Variants in LUZP2 observed in about 807,000 individuals in gnomAD.
LUZP2 encodes leucine zipper protein 2.
Under a neutral mutation model 51.6 loss-of-function variants are expected in LUZP2, and 52 were observed. That is an observed-to-expected ratio of 1.01 (90% CI 0.81 to 1.27). The LOEUF is 1.27. Ranked by LOEUF, LUZP2 falls within the 50% of genes most tolerant of loss-of-function variation. LUZP2 has a pLI of 0.00. For missense variants in LUZP2, 436 were observed against 395.4 expected, an observed-to-expected ratio of 1.10 and a Z score of -0.87; for synonymous variants, 154 against 137.3, an observed-to-expected ratio of 1.12 and a Z score of -0.85.
intron 5 of LUZP2, among the ~76,000 whole-genome samples, chr11:24,835,068 G>A (rs940673063): frequency 6.6e-6 from 1 of 151,878 alleles, no homozygotes; most frequent in Non-Finnish European, 1.5e-5. Context: ...ATACCACAAG[G>A]CTACAGTAAC....
At chr11:24,832,789 G>T (rs1052978869) in intron 5 of LUZP2, among the ~76,000 whole-genome samples, 2 of 151,992 alleles carry the variant, frequency 1.3e-5, no homozygotes. Flanking sequence ...AGAGCTGAAT[G>T]AAGACAACAT....
At chr11:24,860,843 A>G (rs1485144830) in intron 5 of LUZP2, among the ~76,000 whole-genome samples, 1 of 152,184 alleles carries the variant, frequency 6.6e-6, no homozygotes, top group Non-Finnish European at 1.5e-5. Flanking sequence ...ACTCACAAAG[A>G]TAAGACAGAA....
intron 1 of LUZP2, among the ~76,000 whole-genome samples, chr11:24,708,314 AGCTATCT>A (rs1857680505): frequency 6.6e-6 from 1 of 152,204 alleles, no homozygotes; most frequent in Non-Finnish European, 1.5e-5. Context: ...ATGCTTTATC[AGCTATCT>A]GGGCATCTCT....
intron 7 of LUZP2, among the ~76,000 whole-genome samples, chr11:24,947,011 G>A (rs947313430): frequency 4.6e-5 from 7 of 151,930 alleles, no homozygotes; most frequent in Non-Finnish European, 4.4e-5. Flanking sequence ...CAATGTGGAA[G>A]TTAGGGGCAC....
chr11:24,668,794 T>C (rs1856302026), intron 1 of LUZP2, among the ~76,000 whole-genome samples: 1 of 152,120 alleles, frequency 6.6e-6, no homozygotes, highest in Non-Finnish European at 1.5e-5. Flanking sequence ...AGAAATGAAA[T>C]ATACAAAAAG....
At chr11:25,012,524 A>G (rs1857015459) in intron 9 of LUZP2, among the ~76,000 whole-genome samples, 1 of 152,160 alleles carries the variant, frequency 6.6e-6, no homozygotes, top group African/African-American at 2.4e-5. Flanking sequence ...CTCAAAACCC[A>G]TTAAAGTCCT....
rs774127831 is a variant in LUZP2 at position 24,497,279 on chromosome 11, C to G, written c.36C>G (p.Leu12=). The G allele has an allele frequency of 6.4e-7, 1 of 1,567,074 alleles. No individual in the cohort carries two copies. The highest frequency in any genetic ancestry group is 8.7e-7 in the Non-Finnish European group (1 of 1,155,176). Residue 12 remains leucine (L), a synonymous_variant, in exon 1 of 12, where the codon CTC becomes CTG. Transcript: ENST00000336930. ...KFSPAHYLLP[L]LPALVLSTRQ... ...GCCCAGCGCACTACCTGCTGCCTCT[C>G]CTGCCTGCGCTGGTCCTCAGCACCA...
intron 1 of LUZP2, among the ~76,000 whole-genome samples, chr11:24,608,140 C>T (rs1005179476): frequency 1.3e-5 from 2 of 152,240 alleles, no homozygotes; most frequent in South Asian, 2.1e-4. Context: ...TGAGCCACTG[C>T]GCCCGGCATC....
intron 9 of LUZP2, among the ~76,000 whole-genome samples, chr11:24,987,104 A>G (rs1452363708): frequency 6.6e-6 from 1 of 151,924 alleles, no homozygotes; most frequent in Non-Finnish European, 1.5e-5. Context: ...AAAAATTCAC[A>G]TAAAACATTA....
In LUZP2 at chr11:24,741,435, T is replaced by C. The variant is rs995424713; in HGVS notation, c.333+3133T>C. 7.9e-5 allele frequency among the ~76,000 whole-genome samples: 12 copies of C among 152,050 alleles called. No homozygotes were observed. In the South Asian group the frequency reaches 8.3e-4, roughly 11 times the overall value. ...TGTTAATTTCTTTTTTTATTTTCCA[T>C]AGGTCATTAGGGTACAGGTGGTATT... On this transcript the variant is annotated intron_variant, in intron 4 of 11. Transcript: ENST00000336930.
chr11:24,637,117 G>T (rs552389462), intron 1 of LUZP2, among the ~76,000 whole-genome samples: 2 of 151,884 alleles, frequency 1.3e-5, no homozygotes, highest in Admixed American at 1.3e-4. Flanking sequence ...AACAAAAATT[G>T]TAGAGGATGA....
At chr11:24,965,267 A>T (rs886444566) in intron 7 of LUZP2, among the ~76,000 whole-genome samples, 1 of 148,308 alleles carries the variant, frequency 6.7e-6, no homozygotes, top group East Asian at 2.0e-4. Flanking sequence ...TGAATTGCAT[A>T]CTAGATGTTT....
chr11:24,970,134 A>T (rs1226567583), intron 7 of LUZP2, among the ~76,000 whole-genome samples: 2 of 152,156 alleles, frequency 1.3e-5, no homozygotes, highest in Non-Finnish European at 2.9e-5. Flanking sequence ...TTTGATAATG[A>T]GAATTTTGGA....
At chr11:24,931,269 TAAAAA>T (rs1359897517) in intron 7 of LUZP2, among the ~76,000 whole-genome samples, 8 of 133,976 alleles carry the variant, frequency 6.0e-5, no homozygotes, top group Non-Finnish European at 9.9e-5. Context: ...TAAAATAAAA[TAAAAA>T]GTTCTTTTTT....
At chr11:24,937,978 G>C (rs1304528434) in intron 7 of LUZP2, among the ~76,000 whole-genome samples, 1 of 151,708 alleles carries the variant, frequency 6.6e-6, no homozygotes, top group Non-Finnish European at 1.5e-5. Flanking sequence ...TCCATCGTCT[G>C]GCATATGTAA....
chr11:24,522,770 G>T (rs762523670), intron 1 of LUZP2, among the ~76,000 whole-genome samples: 1 of 151,952 alleles, frequency 6.6e-6, no homozygotes, highest in Non-Finnish European at 1.5e-5. Context: ...CCGATTTGGG[G>T]TATCGATGAT....
intron 5 of LUZP2, among the ~76,000 whole-genome samples, chr11:24,878,655 AT>A (rs1852354956): frequency 6.6e-6 from 1 of 151,146 alleles, no homozygotes; most frequent in East Asian, 1.9e-4. Flanking sequence ...TTTAATTTTT[AT>A]TTTAGTTTCA....
At chr11:24,745,805 G>A (rs1288750232) in intron 4 of LUZP2, among the ~76,000 whole-genome samples, 1 of 152,116 alleles carries the variant, frequency 6.6e-6, no homozygotes, top group Non-Finnish European at 1.5e-5. Context: ...AGCCTCCTGA[G>A]TAGCTAGGAT....
intron 1 of LUZP2, among the ~76,000 whole-genome samples, chr11:24,518,834 C>T (rs931127997): frequency 2.7e-4 from 41 of 152,168 alleles, no homozygotes; most frequent in African/African-American, 9.6e-4. Flanking sequence ...GAGGGTTCGG[C>T]TTTTATAGAG....
Sources: allele counts gnomAD v4.1 joint callset (sites outside exome capture counted in the v4.1 genomes callset), GRCh38; gene constraint gnomAD v4.1.1; transcripts MANE v1.5; gene names NCBI Gene and HGNC (gene_info 2026-07-23, HGNC 2026-07-21).